MYO3B: variants seen among roughly 807,000 people sequenced by gnomAD.
MYO3B encodes myosin IIIB.
A neutral mutation model predicts 174.6 loss-of-function variants in MYO3B; 156 were observed. That is an observed-to-expected ratio of 0.89 (90% CI 0.78 to 1.02). The LOEUF is 1.02. Ranked by LOEUF, MYO3B falls within the 50% of genes least tolerant of loss-of-function variation. The pLI is 0.00. For missense variants in MYO3B, 1,632 were observed against 1,639.4 expected (o/e 1.00, Z 0.08); for synonymous variants, 563 against 569.1 (o/e 0.99, Z 0.15).
intron 7 of MYO3B, among the ~76,000 whole-genome samples, chr2:170,245,048 A>G (rs2093174930): frequency 6.6e-6 from 1 of 152,162 alleles, no homozygotes; most frequent in African/African-American, 2.4e-5. Context: ...GTTGGTATGA[A>G]CACACTGACT....
intron 25 of MYO3B, among the ~76,000 whole-genome samples, chr2:170,469,278 G>T (rs569775966): frequency 6.6e-6 from 1 of 152,266 alleles, no homozygotes; most frequent in East Asian, 1.9e-4. Flanking sequence ...TGTAAAAGAT[G>T]TTTCCTCACC....
intron 23 of MYO3B, among the ~76,000 whole-genome samples, chr2:170,457,601 A>T (rs77403836): frequency 0.027 from 4,145 of 152,276 alleles, 105 homozygotes; most frequent in African/African-American, 0.065. Flanking sequence ...CATCTTGTCC[A>T]ACTAGAAGGT....
intron 32 of MYO3B, among the ~76,000 whole-genome samples, chr2:170,571,033 C>T (rs1692407081): frequency 6.6e-6 from 1 of 152,108 alleles, no homozygotes; most frequent in Admixed American, 6.5e-5. Flanking sequence ...TTAATATAAC[C>T]TTATGTTTCT....
intron 25 of MYO3B, among the ~76,000 whole-genome samples, chr2:170,472,990 C>T (rs997057925): frequency 1.3e-5 from 2 of 152,058 alleles, no homozygotes. Flanking sequence ...TGTGAGCCAC[C>T]ATGCCTGAAC....
intron 7 of MYO3B, among the ~76,000 whole-genome samples, chr2:170,297,876 G>A (rs148185238): frequency 6.6e-6 from 1 of 152,162 alleles, no homozygotes; most frequent in Non-Finnish European, 1.5e-5. Context: ...AGCTGCAAAT[G>A]TACCATTAGC....
intron 32 of MYO3B, among the ~76,000 whole-genome samples, chr2:170,645,570 C>G (rs1163031739): frequency 4.6e-5 from 7 of 151,622 alleles, no homozygotes; most frequent in Non-Finnish European, 1.0e-4. Context: ...GATAACCATA[C>G]TGTTTTATAT....
At position 170,249,159 on chromosome 2, in the gene MYO3B, G is replaced by C. The variant is rs73975590; in HGVS notation, c.749+13023G>C. Among the ~76,000 whole-genome samples the C allele has an allele frequency of 8.1e-3, 1,236 of 152,300 alleles. 16 individuals are homozygous for C. Among genetic ancestry groups the C allele is most frequent in the African/African-American group, 0.028 (1,144 of 41,556 alleles). On this transcript the variant is annotated intron_variant, in intron 7 of 34. Transcript: ENST00000408978. ...GTTTCCACTCAGAGGAAGGGAGGTA[G>C]CCCCTATCCTGAGCTCTGAGCCATT...
intron 7 of MYO3B, among the ~76,000 whole-genome samples, chr2:170,237,533 CG>C (rs55901300): frequency 2.1e-5 from 3 of 141,098 alleles, no homozygotes; most frequent in Non-Finnish European, 4.6e-5. Flanking sequence ...GTGTTTTTGG[CG>C]GGGGGGAGGG....
At chr2:170,493,158 A>G (rs1055561427) in intron 25 of MYO3B, among the ~76,000 whole-genome samples, 1 of 152,244 alleles carries the variant, frequency 6.6e-6, no homozygotes, top group East Asian at 1.9e-4. Flanking sequence ...AGAGCATAAT[A>G]ACGTGTAACA....
At chr2:170,541,859 C>A (rs1690133149) in intron 30 of MYO3B, among the ~76,000 whole-genome samples, 1 of 152,050 alleles carries the variant, frequency 6.6e-6, no homozygotes, top group South Asian at 2.1e-4. Context: ...GAATTATAGT[C>A]CCCTCCTTCC....
intron 7 of MYO3B, among the ~76,000 whole-genome samples, chr2:170,271,047 A>T (rs541083372): frequency 6.6e-6 from 1 of 152,330 alleles, no homozygotes; most frequent in Non-Finnish European, 1.5e-5. Flanking sequence ...TTTATTTGCC[A>T]GATATAGAAA....
intron 9 of MYO3B, among the ~76,000 whole-genome samples, chr2:170,380,146 C>T (rs573357413): frequency 6.6e-6 from 1 of 152,264 alleles, no homozygotes; most frequent in East Asian, 1.9e-4. Context: ...GTGATATCCT[C>T]ATAAGCTGTG....
chr2:170,357,543 C>T (rs961749543), intron 8 of MYO3B, among the ~76,000 whole-genome samples: 2 of 151,610 alleles, frequency 1.3e-5, no homozygotes, highest in African/African-American at 2.4e-5. Context: ...CCCTTATTTC[C>T]CCTTTGCTTC....
chr2:170,567,703 A>G (rs1009048483), intron 32 of MYO3B, among the ~76,000 whole-genome samples: 4 of 152,152 alleles, frequency 2.6e-5, no homozygotes, highest in African/African-American at 9.7e-5. Flanking sequence ...AAAAAGTACA[A>G]CACAGCAAGA....
intron 32 of MYO3B, among the ~76,000 whole-genome samples, chr2:170,590,881 C>T (rs1693781804): frequency 1.3e-5 from 2 of 152,174 alleles, no homozygotes; most frequent in East Asian, 3.9e-4. Flanking sequence ...CGTTTGGCCG[C>T]AATACTCTAC....
At chr2:170,227,628 T>C (rs1183085737) in intron 6 of MYO3B, among the ~76,000 whole-genome samples, 1 of 152,134 alleles carries the variant, frequency 6.6e-6, no homozygotes, top group Admixed American at 6.6e-5. Flanking sequence ...AGAATCACTC[T>C]CTAACAGGAA....
chr2:170,319,805 G>A (rs1026499584), intron 7 of MYO3B, among the ~76,000 whole-genome samples: 2 of 152,164 alleles, frequency 1.3e-5, no homozygotes, highest in Non-Finnish European at 2.9e-5. Flanking sequence ...ATGTGCAAGG[G>A]AAGGTCAGTA....
At chr2:170,528,207 T>C (rs1277453064) in intron 30 of MYO3B, among the ~76,000 whole-genome samples, 1 of 152,152 alleles carries the variant, frequency 6.6e-6, no homozygotes, top group Non-Finnish European at 1.5e-5. Context: ...AAGCTCCAAG[T>C]TTGGGAAGAT....
intron 25 of MYO3B, among the ~76,000 whole-genome samples, chr2:170,467,218 T>C (rs569964848): frequency 6.6e-6 from 1 of 152,184 alleles, no homozygotes; most frequent in African/African-American, 2.4e-5. Context: ...ATCCCCATTT[T>C]ACAAAACGTA....
Sources: allele counts gnomAD v4.1 joint callset (sites outside exome capture counted in the v4.1 genomes callset), GRCh38; gene constraint gnomAD v4.1.1; transcripts MANE v1.5; gene names NCBI Gene and HGNC (gene_info 2026-07-23, HGNC 2026-07-21).